JAKMIP3: variants seen among roughly 807,000 people sequenced by gnomAD.
The protein encoded by JAKMIP3 is Janus kinase and microtubule interacting protein 3.
A neutral mutation model predicts 118.5 loss-of-function variants in JAKMIP3; 58 were observed. That is an observed-to-expected ratio of 0.49 (90% confidence interval 0.40 to 0.61). The LOEUF is 0.61. Among genes scored for constraint, JAKMIP3 ranks in the 20% least tolerant of loss-of-function variants. The probability of loss-of-function intolerance (pLI) is 0.00; values close to 1 mark genes in which losing one functional copy is unlikely to be tolerated. For synonymous variants in JAKMIP3, 486 were observed against 451.2 expected (o/e 1.08, Z -0.98); for missense variants, 950 against 1,109.0 (o/e 0.86, Z 2.04).
At chr10:132,106,275 C>T (rs1199966718) in intron 2 of JAKMIP3, among the ~76,000 whole-genome samples, 1 of 151,962 alleles carries the variant, frequency 6.6e-6, no homozygotes, top group East Asian at 1.9e-4. Flanking sequence ...GAGGTTGAGG[C>T]TACAGTAAGC....
intron 1 of JAKMIP3, among the ~76,000 whole-genome samples, chr10:132,040,268 C>G (rs2037689809): frequency 6.6e-6 from 1 of 152,222 alleles, no homozygotes. Flanking sequence ...AGGACCCTCA[C>G]CAGGAACCAA....
At chr10:132,154,099 GGGCCCCTAAT>G (rs1328789757) in intron 19 of JAKMIP3, 109 bp downstream of exon 19, 3 of 935,016 alleles carry the variant, frequency 3.2e-6, no homozygotes, top group Non-Finnish European at 5.0e-6. Flanking sequence ...CCAGGTCGCA[GGGCCCCTAAT>G]GGCCCCTAAT....
At chr10:132,096,080 G>A (rs2043821529) in intron 1 of JAKMIP3, among the ~76,000 whole-genome samples, 1 of 152,190 alleles carries the variant, frequency 6.6e-6, no homozygotes, top group African/African-American at 2.4e-5. Flanking sequence ...CTGAAGAGCT[G>A]GGGGATCTGG....
At chr10:132,166,944 C>A in intron 21 of JAKMIP3, 39 bp from the exon 22 acceptor site, 2 of 1,405,732 alleles carry the variant, frequency 1.4e-6, no homozygotes, top group Non-Finnish European at 2.0e-6. Flanking sequence ...TTTTCTCTTT[C>A]TTTCCTTCCG....
rs1343015446 is a variant in JAKMIP3 at position 132,135,766 on chromosome 10, G to A, written c.970-164G>A. ...GTGCTCTGGGCAAGTGGGTTCACCCGGGCGCTGGGCCAGTGGGCACCACTT... is the reference window on the plus strand; with the variant it reads ...GTGCTCTGGGCAAGTGGGTTCACCCAGGCGCTGGGCCAGTGGGCACCACTT... On this transcript the variant is annotated intron_variant, in intron 5 of 23. Coordinates refer to ENST00000684848, the MANE Select transcript of JAKMIP3 (RefSeq NM_001323087.2). Among the ~76,000 whole-genome samples, 5 of 151,806 alleles carry A rather than the reference G, an allele frequency of 3.3e-5. No individual in the cohort carries two copies. The East Asian group carries it at 5.8e-4, about 18-fold the overall frequency.
At chr10:132,076,599 C>T (rs4880233) in intron 1 of JAKMIP3, among the ~76,000 whole-genome samples, 114,821 of 151,756 alleles carry the variant, frequency 0.76, 44,353 homozygotes, top group East Asian at 0.99. Flanking sequence ...CCAGGTCTGA[C>T]GGCATGGGAC....
In JAKMIP3 at chr10:132,118,484, G is replaced by A. The variant is rs375742863; in HGVS notation, c.633+910G>A. ...GGATGCAGTGGTCTTTCCACGGGGC[G>A]TGGCTGTGCACCTGGGGCAGCCTCC... On this transcript the variant is annotated intron_variant, in intron 3 of 23. Coordinates refer to ENST00000684848, the MANE Select transcript of JAKMIP3 (RefSeq NM_001323087.2). This position sits in a 1 kb window ranked among gnomAD's most constrained non-coding sequence, Gnocchi z 4.8. 7.9e-5 allele frequency among the ~76,000 whole-genome samples: 12 copies of A among 152,332 alleles called. No homozygotes were observed. Among genetic ancestry groups the A allele is most frequent in the African/African-American group, 2.2e-4 (9 of 41,582 alleles).
intron 6 of JAKMIP3, among the ~76,000 whole-genome samples, chr10:132,136,695 A>G (rs1173533684): frequency 6.6e-6 from 1 of 152,218 alleles, no homozygotes; most frequent in African/African-American, 2.4e-5. Flanking sequence ...AGGAGGCCAC[A>G]TGGGAAATGG....
chr10:132,080,973 C>G lies in JAKMIP3; in HGVS notation c.-138+14912C>G, dbSNP rs368919237. 5.3e-5 allele frequency among the ~76,000 whole-genome samples: 8 copies of G among 152,302 alleles called. No individual in the cohort carries two copies. The South Asian group carries it at 1.0e-3, about 20-fold the overall frequency. ...TTAATTTTGCCATAGTCCAGTTTAT[C>G]TATTTTTACTCTTATTGCCTCTGCA... On this transcript the variant is annotated intron_variant, in intron 1 of 23. Transcript: ENST00000684848.
chr10:132,127,055 A>T (rs559650225), intron 3 of JAKMIP3, among the ~76,000 whole-genome samples: 2 of 152,088 alleles, frequency 1.3e-5, no homozygotes, highest in African/African-American at 4.8e-5. Context: ...CAGTGAAGCT[A>T]TTTGGGTCAG....
In JAKMIP3 at chr10:132,145,211, AC is replaced by A. The variant is rs774363838; in HGVS notation, c.1686+22del. ...GGCAGGTGAGCCTGCAGCCATCTGC[AC>A]GGGCGTGGGGGCACACGTGGGTGGG... On this transcript the variant is annotated intron_variant, in intron 12 of 23. Coordinates refer to ENST00000684848, the MANE Select transcript of JAKMIP3 (RefSeq NM_001323087.2). The A allele has an allele frequency of 1.1e-5, 17 of 1,585,336 alleles. No individual in the cohort carries two copies. In the African/African-American group the frequency reaches 2.1e-4, roughly 20 times the overall value.
At chr10:132,074,090 C>T (rs2040403928) in intron 1 of JAKMIP3, among the ~76,000 whole-genome samples, 1 of 152,156 alleles carries the variant, frequency 6.6e-6, no homozygotes, top group South Asian at 2.1e-4. Flanking sequence ...CTGGCTCTGC[C>T]ACTCAGGCTG....
chr10:132,096,511 C>T (rs1473015243), intron 1 of JAKMIP3, among the ~76,000 whole-genome samples: 1 of 152,178 alleles, frequency 6.6e-6, no homozygotes, highest in Non-Finnish European at 1.5e-5. Flanking sequence ...CTGACTTCCA[C>T]CCCAGGAAGT....
chr10:132,120,414 G>A (rs1376332931), intron 3 of JAKMIP3, among the ~76,000 whole-genome samples: 1 of 152,174 alleles, frequency 6.6e-6, no homozygotes, highest in Admixed American at 6.5e-5. Context: ...ACAGCTGCTG[G>A]GATGCACTTC....
intron 14 of JAKMIP3, among the ~76,000 whole-genome samples, 180 bp from the exon 15 acceptor site, chr10:132,149,232 G>GCAGGTC (rs1489562759): frequency 6.6e-6 from 1 of 152,082 alleles, no homozygotes; most frequent in Non-Finnish European, 1.5e-5. Flanking sequence ...GTCCTTGTGG[G>GCAGGTC]CAGGTCCAGG....
At position 132,141,964 on chromosome 10, in the gene JAKMIP3, C is replaced by T. The variant is rs368508647; in HGVS notation, c.1518C>T (p.Thr506=). The T allele has an allele frequency of 3.6e-5, 57 of 1,599,120 alleles. No homozygotes were observed. The African/African-American group carries it at 5.3e-4, about 15-fold the overall frequency. ...CGGAGCTGAGGTTCCGGCAGCTGAC[C>T]ATGGAGTACCAGGCCCTGCAGCGTG... is the stretch of plus-strand genomic sequence containing the variant. ...EETELRFRQL[T]MEYQALQRAY... Residue 506 remains threonine, a synonymous_variant, in exon 11 of 24, where the codon ACC becomes ACT. Coordinates refer to ENST00000684848, the MANE Select transcript of JAKMIP3 (RefSeq NM_001323087.2).
chr10:132,112,453 A>G lies in JAKMIP3; in HGVS notation c.136-4624A>G, dbSNP rs570539925. On this transcript the variant is annotated intron_variant, in intron 2 of 23. Coordinates refer to ENST00000684848, the MANE Select transcript of JAKMIP3 (RefSeq NM_001323087.2). This position sits in a 1 kb window ranked among gnomAD's most constrained non-coding sequence, Gnocchi z 4.3. ...CTCATGCCTGCTTCCAGAACATTCCATCCCGCCTCTGTTCTTTCGGGCTGT... is the reference window on the plus strand; with the variant it reads ...CTCATGCCTGCTTCCAGAACATTCCGTCCCGCCTCTGTTCTTTCGGGCTGT... Among the ~76,000 whole-genome samples, 3 of 152,040 alleles carry G rather than the reference A, an allele frequency of 2.0e-5. No individual in the cohort carries two copies. Among genetic ancestry groups the G allele is most frequent in the Non-Finnish European group, 4.4e-5 (3 of 67,996 alleles).
Position 132,058,246 on chromosome 10 carries a change from C to T in JAKMIP3, c.-138+21508C>T, listed in dbSNP as rs551552724. ...TTCATCTGGTGATGGATTCATTTGG[C>T]ACCCATGGGTGGAAATACAAAGTGA... On this transcript the variant is annotated intron_variant, in intron 1 of 23. Coordinates refer to the JAKMIP3 transcript ENST00000657785. 1.1e-4 allele frequency among the ~76,000 whole-genome samples: 16 copies of T among 152,330 alleles called. No homozygotes were observed. In the East Asian group the frequency reaches 3.1e-3, roughly 29 times the overall value.
chr10:132,058,478 C>A (rs1320743898), intron 1 of JAKMIP3, among the ~76,000 whole-genome samples: 1 of 152,252 alleles, frequency 6.6e-6, no homozygotes, highest in Non-Finnish European at 1.5e-5. Context: ...TCCCCACAAC[C>A]TTTCTCTGGA....
Sources: gnomAD v4.1 joint callset for allele counts (sites outside exome capture counted in the v4.1 genomes callset) on GRCh38, gnomAD v4.1.1 for gene constraint, Gnocchi (gnomAD v3.1) non-coding constraint, MANE v1.5 for transcripts, NCBI Gene and HGNC (gene_info 2026-07-23, HGNC 2026-07-21) for gene names.